DHCR7: variants seen among roughly 807,000 people sequenced by gnomAD.
The protein encoded by DHCR7 is 7-DHC reductase.
In DHCR7, 40 loss-of-function variants were observed where a neutral mutation model predicts 43.3. The observed-to-expected ratio is 0.92, with a 90% CI of 0.72 to 1.20. The LOEUF is 1.20. Among genes scored for constraint, DHCR7 ranks in the 50% most tolerant of loss-of-function variants. The probability of loss-of-function intolerance (pLI) is 0.00; values close to 1 mark genes in which losing one functional copy is unlikely to be tolerated. For missense variants in DHCR7, 608 were observed against 644.6 expected (o/e 0.94, Z 0.62); for synonymous variants, 298 against 271.4 (o/e 1.10, Z -0.96).
chr11:71,434,881 C>G lies in DHCR7; in HGVS notation c.*494G>C. 1 of 352,438 alleles carries G rather than the reference C, an allele frequency of 2.8e-6. No individual in the cohort carries two copies. Among genetic ancestry groups the G allele is most frequent in the South Asian group, 2.1e-5 (1 of 47,206 alleles). 21.8% of individuals were successfully genotyped at this position (352,438 alleles called of 1,614,324 possible). A position where few individuals can be genotyped will look rare whatever the true frequency, so the allele number is the denominator to read the frequency against. ...CACGCTACCAAGGAGAAACGGCGCA[C>G]GGGCCCCACCCACGACTGCAGAGCA... On this transcript the variant is annotated 3_prime_UTR_variant, in exon 9 of 9. Coordinates refer to ENST00000355527, the MANE Select transcript of DHCR7 (RefSeq NM_001360.3).
rs370307688 is a variant in DHCR7, at chr11:71,444,861, C to T, written c.92G>A (p.Arg31His). 8.9e-5 allele frequency: 144 copies of T among 1,613,740 alleles called. No individual in the cohort carries two copies. Among genetic ancestry groups the T allele is most frequent in the Non-Finnish European group, 1.1e-4 (134 of 1,179,710 alleles). Reference sequence around the variant, plus strand: ...GAACAGGCAAGATCCTTACCAGGCACGGCCCCACTGCCCTTGAGATGCGGT... The same window carrying T: ...GAACAGGCAAGATCCTTACCAGGCATGGCCCCACTGCCCTTGAGATGCGGT... ...DRTASQGQWG[R>H]AWEVDWFSLA... is the part of the protein sequence containing the mutation. Residue 31 changes from arginine to histidine, a missense_variant, in exon 3 of 9, where the codon CGT becomes CAT. By Grantham distance (29) the Arg-to-His change is conservative. Transcript: ENST00000355527.
downstream of DHCR7, among the ~76,000 whole-genome samples, chr11:71,430,775 C>T (rs1251710727): frequency 1.3e-5 from 2 of 152,176 alleles, no homozygotes; most frequent in African/African-American, 4.8e-5. Context: ...AAAGTCAGGC[C>T]GTCTCCCCTC....
At chr11:71,427,960 G>C (rs1949208479), downstream of DHCR7, among the ~76,000 whole-genome samples, 1 of 152,148 alleles carries the variant, frequency 6.6e-6, no homozygotes, top group Admixed American at 6.5e-5. Flanking sequence ...TTGTACAACA[G>C]TCTAGGCACA....
At chr11:71,429,008 G>A (rs1183437292) in intron 2 of DHCR7, among the ~76,000 whole-genome samples, 3 of 152,326 alleles carry the variant, frequency 2.0e-5, no homozygotes, top group African/African-American at 7.2e-5. Flanking sequence ...AGGAAGAAGT[G>A]AGCCAACAAC....
chr11:71,438,612 A>AGGT, intron 7 of DHCR7: 2 of 547,598 alleles, frequency 3.7e-6, no homozygotes. Flanking sequence ...GATTCTACCC[A>AGGT]GGTGTAATCC....
Position 71,435,397 on chromosome 11 carries a change from C to G in DHCR7, c.1406G>C (p.Arg469Pro), listed in dbSNP as rs201150384. The change falls in exon 9 of 9, where the codon CGC becomes CCC. Residue 469 changes from arginine (R) to proline (P), a missense_variant. Physicochemically the swap from Arg to Pro is moderately radical, Grantham distance 103. Transcript: ENST00000355527. Reference sequence around the variant, plus strand: ...CCCTTAGAAGATTCCAGGCAGCAGGCGGTAAGGCACTGCGGCGGTGTAGCG... The same window carrying G: ...CCCTTAGAAGATTCCAGGCAGCAGGGGGTAAGGCACTGCGGCGGTGTAGCG... ...WERYTAAVPY[R>P]LLPGIF 5 of 1,612,362 alleles carry G rather than the reference C, an allele frequency of 3.1e-6. No individual in the cohort carries two copies. The highest frequency in any genetic ancestry group is 4.2e-6 in the Non-Finnish European group (5 of 1,179,990).
At chr11:71,445,224 C>T (rs1379137941) in intron 2 of DHCR7, among the ~76,000 whole-genome samples, 1 of 151,790 alleles carries the variant, frequency 6.6e-6, no homozygotes, top group Non-Finnish European at 1.5e-5. Flanking sequence ...TGGCAGAATG[C>T]CCCCCCTCTT....
At chr11:71,436,133 T>C (rs891130820) in intron 8 of DHCR7, among the ~76,000 whole-genome samples, 11 of 152,216 alleles carry the variant, frequency 7.2e-5, no homozygotes, top group African/African-American at 2.7e-4. Flanking sequence ...ATTAAAAATA[T>C]AATCTGAATT....
At chr11:71,446,260 G>GA (rs57679336) in intron 2 of DHCR7, among the ~76,000 whole-genome samples, 3,153 of 65,892 alleles carry the variant, frequency 0.048, 203 homozygotes, top group African/African-American at 0.14. Flanking sequence ...CTTACCAAAT[G>GA]AAAAAAAAAA....
upstream of DHCR7, chr11:71,448,992 C>G (rs2120360736): frequency 6.6e-6 from 1 of 152,460 alleles, no homozygotes; most frequent in South Asian, 2.1e-4. Context: ...TGTGCGAGGA[C>G]GGGAGGGGAG....
intron 2 of DHCR7, among the ~76,000 whole-genome samples, chr11:71,445,887 A>T (rs1949398780): frequency 6.6e-6 from 1 of 152,258 alleles, no homozygotes; most frequent in African/African-American, 2.4e-5. Flanking sequence ...CTCAACAGCA[A>T]GCTGGATTCT....
At chr11:71,448,718 T>G (rs28364617), upstream of DHCR7, 81,435 of 152,220 alleles carry the variant, frequency 0.53, 25,671 homozygotes, top group Non-Finnish European at 0.74. Flanking sequence ...ATCACCTGGA[T>G]CATCGTGCCT....
At chr11:71,437,309 T>C (rs1021856062) in intron 8 of DHCR7, among the ~76,000 whole-genome samples, 1 of 152,200 alleles carries the variant, frequency 6.6e-6, no homozygotes, top group Non-Finnish European at 1.5e-5. Context: ...AGGGGGCTCG[T>C]TGCTCTTGAA....
rs533099837 is a variant in DHCR7 at position 71,444,395 on chromosome 11, C to G, written c.99-180G>C. 1.7e-5 allele frequency: 11 copies of G among 632,250 alleles called. No individual in the cohort carries two copies. In the East Asian group the frequency reaches 2.7e-4, roughly 16 times the overall value. The allele number at this position is 632,250 out of a possible 1,614,324, so 39.2% of individuals were successfully genotyped here. ...AGGGAAGCCACTCAACATGCCTGCT[C>G]TACTGTAGTTGATTAACTGGTGGCA... is the stretch of plus-strand genomic sequence containing the variant. On this transcript the variant is annotated intron_variant, in intron 3 of 8. Coordinates refer to ENST00000355527, the MANE Select transcript of DHCR7 (RefSeq NM_001360.3).
Position 71,438,643 on chromosome 11 carries a change from C to T in DHCR7, c.831+236G>A, listed in dbSNP as rs1949314875. On this transcript the variant is annotated intron_variant, in intron 7 of 8. Coordinates refer to ENST00000355527, the MANE Select transcript of DHCR7 (RefSeq NM_001360.3). ...AATCCCCAAGGGAGACCTTCCTGGA[C>T]CACGCCTGGCTGCGTAGAACCTGCC... 6 of 596,416 alleles carry T rather than the reference C, an allele frequency of 1.0e-5. No individual in the cohort carries two copies. The South Asian group carries it at 1.2e-4, about 11-fold the overall frequency. 36.9% of individuals were successfully genotyped at this position (596,416 alleles called of 1,614,324 possible).
chr11:71,444,161 G>A lies in DHCR7; in HGVS notation c.153C>T (p.Pro51=), dbSNP rs777966196. ...ASVIFLLLFA[P]FIVYYFIMAC... is the part of the protein sequence containing the mutation. The stretch of plus-strand genomic sequence containing the variant: ...CCATGATGAAGTAGTAGACGATGAA[G>A]GGGGCGAACAGCAGTAGGAAGATGA... The change falls in exon 4 of 9, where the codon CCC becomes CCT. Residue 51 remains proline, a synonymous_variant. Coordinates refer to ENST00000355527, the MANE Select transcript of DHCR7 (RefSeq NM_001360.3). The A allele has an allele frequency of 1.2e-6, 2 of 1,609,462 alleles. No homozygotes were observed. Among genetic ancestry groups the A allele is most frequent in the East Asian group, 2.2e-5 (1 of 44,776 alleles).
chr11:71,441,253 G>A lies in DHCR7; in HGVS notation c.600C>T (p.Tyr200=). The A allele has an allele frequency of 6.2e-7, 1 of 1,614,220 alleles. No individual in the cohort carries two copies. Among genetic ancestry groups the A allele is most frequent in the Non-Finnish European group, 8.5e-7 (1 of 1,180,042 alleles). Residue 200 remains tyrosine, a synonymous_variant, in exon 6 of 9, where the codon TAC becomes TAT. Coordinates refer to ENST00000355527, the MANE Select transcript of DHCR7 (RefSeq NM_001360.3). ...AVSTFAMVKG[Y]FFPTSARDCK... is the part of the protein sequence containing the mutation. ...AGTCTCTGGCGCTGGTGGGGAAGAA[G>A]TAGCCCTTGACCATGGCGAAGGTGG...
chr11:71,442,521 C>A (rs891834060), intron 4 of DHCR7, among the ~76,000 whole-genome samples, 168 bp from the exon 5 acceptor site: 2 of 152,264 alleles, frequency 1.3e-5, no homozygotes, highest in Non-Finnish European at 1.5e-5. Context: ...GGTTCTGAGA[C>A]AATAAACTCA....
rs771310150 is a variant in DHCR7 at position 71,435,182 on chromosome 11, C to T, written c.*193G>A. 15 of 715,844 alleles carry T rather than the reference C, an allele frequency of 2.1e-5. No homozygotes were observed. The highest frequency in any genetic ancestry group is 8.0e-5 in the Admixed American group (4 of 49,908). The allele number at this position is 715,844 out of a possible 1,614,324, so 44.3% of individuals were successfully genotyped here. On this transcript the variant is annotated 3_prime_UTR_variant, in exon 9 of 9. Transcript: ENST00000355527. ...TGGCAATACGGCAGTGCTGGACACT[C>T]GGAATTCCCTTGAAGGCAAAAGCAA...
Sources: gnomAD v4.1 joint callset for allele counts (sites outside exome capture counted in the v4.1 genomes callset) on GRCh38, gnomAD v4.1.1 for gene constraint, MANE v1.5 for transcripts, NCBI Gene and HGNC (gene_info 2026-07-23, HGNC 2026-07-21) for gene names.